Variants in HCN1 observed in about 807,000 individuals in gnomAD.
HCN1 encodes hyperpolarization activated cyclic nucleotide gated potassium channel 1.
In HCN1, 13 loss-of-function variants were observed where a neutral mutation model predicts 78.9. That is an observed-to-expected ratio of 0.16 (90% confidence interval 0.11 to 0.26). The LOEUF (loss-of-function observed/expected upper bound fraction) is 0.26. Among genes scored for constraint, HCN1 ranks in the 10% least tolerant of loss-of-function variants. The pLI is 1.00. For synonymous variants in HCN1, 552 were observed against 455.5 expected (o/e 1.21, Z -2.70); for missense variants, 810 against 1,154.3 (o/e 0.70, Z 4.32).
intron 3 of HCN1, among the ~76,000 whole-genome samples, chr5:45,439,060 A>C (rs1740620026): frequency 2.0e-5 from 3 of 152,148 alleles, no homozygotes. Context: ...ATCTTATAGA[A>C]CTCAAAAATA....
chr5:45,683,845 A>G (rs893641800), intron 1 of HCN1, among the ~76,000 whole-genome samples: 1 of 151,766 alleles, frequency 6.6e-6, no homozygotes, highest in African/African-American at 2.4e-5. Context: ...TAATTTTTGT[A>G]TATTTTGTAG....
intron 3 of HCN1, among the ~76,000 whole-genome samples, chr5:45,411,220 C>T (rs573715729): frequency 5.3e-5 from 8 of 152,118 alleles, no homozygotes; most frequent in Admixed American, 4.6e-4. Flanking sequence ...GATTTCTTTT[C>T]AAGGCCCAGA....
At chr5:45,466,180 T>C (rs779348351) in intron 2 of HCN1, among the ~76,000 whole-genome samples, 7 of 152,170 alleles carry the variant, frequency 4.6e-5, no homozygotes, top group Non-Finnish European at 1.0e-4. Flanking sequence ...TAAATTGGCT[T>C]AATTCTTTTA....
intron 2 of HCN1, among the ~76,000 whole-genome samples, chr5:45,540,346 G>A (rs983191871): frequency 2.7e-5 from 4 of 146,908 alleles, no homozygotes; most frequent in African/African-American, 5.1e-5. Flanking sequence ...TTTTTTGAGA[G>A]AGAGAGAGTC....
chr5:45,691,246 T>C (rs1330216280), intron 1 of HCN1, among the ~76,000 whole-genome samples: 1 of 152,106 alleles, frequency 6.6e-6, no homozygotes, highest in Non-Finnish European at 1.5e-5. Flanking sequence ...TCCACATAAT[T>C]AAATATGATT....
At chr5:45,565,684 T>G (rs1743694727) in intron 2 of HCN1, among the ~76,000 whole-genome samples, 1 of 151,822 alleles carries the variant, frequency 6.6e-6, no homozygotes, top group Non-Finnish European at 1.5e-5. Context: ...AATAGCTGGG[T>G]GTGGTGTCAC....
At chr5:45,496,594 T>C (rs903604248) in intron 2 of HCN1, among the ~76,000 whole-genome samples, 1 of 152,144 alleles carries the variant, frequency 6.6e-6, no homozygotes. Context: ...TACTTCTCTC[T>C]TTTTTTCTTT....
chr5:45,595,921 G>A (rs779208525), intron 2 of HCN1, among the ~76,000 whole-genome samples: 2 of 150,354 alleles, frequency 1.3e-5, no homozygotes, highest in Non-Finnish European at 3.0e-5. Context: ...ACGGAGTCTC[G>A]CTCTGTCACC....
At chr5:45,425,922 C>T (rs1740337321) in intron 3 of HCN1, among the ~76,000 whole-genome samples, 1 of 152,190 alleles carries the variant, frequency 6.6e-6, no homozygotes, top group African/African-American at 2.4e-5. Flanking sequence ...AGATAGAACA[C>T]ATAAAAAGCA....
chr5:45,372,491 A>G (rs1356386060), intron 4 of HCN1, among the ~76,000 whole-genome samples: 1 of 127,886 alleles, frequency 7.8e-6, no homozygotes, highest in Admixed American at 9.1e-5. Context: ...AAACATTTAC[A>G]TATAAAAATA....
intron 6 of HCN1, among the ~76,000 whole-genome samples, chr5:45,296,505 A>T (rs1463772013): frequency 6.6e-6 from 1 of 151,980 alleles, no homozygotes; most frequent in Non-Finnish European, 1.5e-5. Context: ...TTAGATAAAT[A>T]TATTAGAATA....
chr5:45,282,257 ATGGGCT>A (rs995527956), intron 6 of HCN1, among the ~76,000 whole-genome samples: 2 of 152,208 alleles, frequency 1.3e-5, no homozygotes, highest in African/African-American at 4.8e-5. Context: ...TGTAAAAGAA[ATGGGCT>A]TTAAAAATTG....
intron 1 of HCN1, among the ~76,000 whole-genome samples, chr5:45,673,842 C>T (rs572812070): frequency 4.5e-4 from 68 of 151,730 alleles, no homozygotes; most frequent in Non-Finnish European, 5.2e-4. Flanking sequence ...CTAGTACTAA[C>T]TTATTTCATG....
rs572844036 is a variant in HCN1 at position 45,651,038 on chromosome 5, C to A, written c.426-5430G>T. ...TTCTCTAAATATTGAATGAAAAATT[C>A]TTTTCTCCCCTCTCTGTGATGAAAT... On this transcript the variant is annotated intron_variant, in intron 1 of 7. Coordinates refer to ENST00000303230, the MANE Select transcript of HCN1 (RefSeq NM_021072.4). Among the ~76,000 whole-genome samples the A allele has an allele frequency of 7.9e-5, 12 of 152,036 alleles. 1 individual carries two copies. The highest frequency in any genetic ancestry group is 2.6e-4 in the African/African-American group (11 of 41,526).
At chr5:45,533,146 A>G (rs1742893836) in intron 2 of HCN1, among the ~76,000 whole-genome samples, 2 of 152,244 alleles carry the variant, frequency 1.3e-5, no homozygotes, top group African/African-American at 4.8e-5. Flanking sequence ...TGCAGAAATC[A>G]GCACAATTGA....
intron 2 of HCN1, among the ~76,000 whole-genome samples, chr5:45,493,526 T>G (rs180673466): frequency 1.8e-4 from 27 of 152,214 alleles, no homozygotes; most frequent in African/African-American, 6.3e-4. Context: ...TTTGTGTCTA[T>G]GTTTCTACTT....
chr5:45,513,787 T>C (rs968518034), intron 2 of HCN1, among the ~76,000 whole-genome samples: 2 of 152,146 alleles, frequency 1.3e-5, no homozygotes, highest in Non-Finnish European at 2.9e-5. Context: ...GACCAGTCCC[T>C]GGTGACAAAA....
At chr5:45,501,319 G>A (rs1450919450) in intron 2 of HCN1, among the ~76,000 whole-genome samples, 1 of 152,084 alleles carries the variant, frequency 6.6e-6, no homozygotes, top group African/African-American at 2.4e-5. Context: ...ATTTTGAAAA[G>A]CTAATAGCTA....
intron 2 of HCN1, among the ~76,000 whole-genome samples, chr5:45,536,052 A>T (rs1742963701): frequency 6.6e-6 from 1 of 151,998 alleles, no homozygotes; most frequent in Admixed American, 6.6e-5. Context: ...ATATTATTAT[A>T]TTGTTTCTTG....
Sources: allele counts gnomAD v4.1 joint callset (sites outside exome capture counted in the v4.1 genomes callset), GRCh38; gene constraint gnomAD v4.1.1; transcripts MANE v1.5; gene names NCBI Gene and HGNC (gene_info 2026-07-23, HGNC 2026-07-21).